The following MTOR variants were observed in gnomAD, a reference collection of about 807,000 sequenced individuals.
MTOR encodes serine/threonine-protein kinase mTOR.
Under a neutral mutation model 319.8 loss-of-function variants are expected in MTOR, and 70 were observed. The observed-to-expected ratio is 0.22, with a 90% CI of 0.18 to 0.27. The LOEUF (loss-of-function observed/expected upper bound fraction) is 0.27, where lower values mean the gene tolerates loss of function less well. Among genes scored for constraint, MTOR ranks in the 10% least tolerant of loss-of-function variants. MTOR has a pLI of 1.00. For missense variants in MTOR, 1,890 were observed against 3,274.4 expected (o/e 0.58, Z 10.32); for synonymous variants, 1,183 against 1,211.4 (o/e 0.98, Z 0.49).
chr1:11,243,136 G>C lies in MTOR; in HGVS notation c.1390C>G (p.Pro464Ala). 1 of 1,614,122 alleles carries C rather than the reference G, an allele frequency of 6.2e-7. No homozygotes were observed. The highest frequency in any genetic ancestry group is 8.5e-7 in the Non-Finnish European group (1 of 1,180,034). Residue 464 changes from proline to alanine, a missense_variant, in exon 9 of 58, where the codon CCC becomes GCC. Physicochemically the swap from Pro to Ala is conservative, Grantham distance 27 (BLOSUM62 -1). This residue lies in a region of MTOR where 418 missense variants were observed against 543.1 expected (regional missense o/e 0.77). Coordinates refer to ENST00000361445, the MANE Select transcript of MTOR (RefSeq NM_004958.4). ...RVLDIIRAAL[P>A]PKDFAHKRQK... ...TACTTATGGGCGAAGTCCTTTGGGG[G>C]CAGGGCCGCTCGGATGATGTCCAGC... is the stretch of plus-strand genomic sequence containing the variant.
At position 11,121,300 on chromosome 1, in the gene MTOR, A is replaced by G; in HGVS notation, c.6879T>C (p.Asn2293=). ...KVEVFEHAVN[N]TAGDDLAKLL... ...GCTTGGCCAGGTCGTCCCCAGCTGT[A>G]TTATTGACGGCATGCTCAAACACCT... Residue 2293 remains asparagine (N), a synonymous_variant, in exon 49 of 58, where the codon AAT becomes AAC. Coordinates refer to ENST00000361445, the MANE Select transcript of MTOR (RefSeq NM_004958.4). This position sits in a 1 kb window ranked among gnomAD's most constrained non-coding sequence, Gnocchi z 4.9. 1 of 1,614,124 alleles carries G rather than the reference A, an allele frequency of 6.2e-7. No individual in the cohort carries two copies. Among genetic ancestry groups the G allele is most frequent in the Non-Finnish European group, 8.5e-7 (1 of 1,180,042 alleles).
intron 34 of MTOR, among the ~76,000 whole-genome samples, chr1:11,140,519 G>T (rs1643646805): frequency 6.6e-6 from 1 of 152,150 alleles, no homozygotes; most frequent in Non-Finnish European, 1.5e-5. Context: ...CTACTCACCG[G>T]TCCCCGGCCC....
chr1:11,230,780 A>T (rs1476072522), intron 18 of MTOR, 145 bp downstream of exon 18: 2 of 1,087,112 alleles, frequency 1.8e-6, no homozygotes, highest in Non-Finnish European at 2.7e-6. Context: ...TCAAGAAGAA[A>T]CTACTGACTT....
rs111325228 is a variant in MTOR, at chr1:11,128,852, C to T, written c.5811+3G>A. 1 of 1,610,608 alleles carries T rather than the reference C, an allele frequency of 6.2e-7. No individual in the cohort carries two copies. Among genetic ancestry groups the T allele is most frequent in the East Asian group, 2.2e-5 (1 of 44,868 alleles). ...ACCTTCACCTGTAACCAAGTATCCT[C>T]ACCTGTAGCCAGGTATCAATCTGGA... On this transcript the variant is annotated splice_donor_region_variant and intron_variant, in intron 41 of 57. Coordinates refer to ENST00000361445, the MANE Select transcript of MTOR (RefSeq NM_004958.4). This position sits in a 1 kb window ranked among gnomAD's most constrained non-coding sequence, Gnocchi z 5.3.
intron 28 of MTOR, among the ~76,000 whole-genome samples, 154 bp from the exon 29 acceptor site, chr1:11,167,671 T>C (rs1644688841): frequency 6.6e-6 from 1 of 152,148 alleles, no homozygotes; most frequent in South Asian, 2.1e-4. Flanking sequence ...TCCAGAAAGC[T>C]CAGTTTAAAT....
rs1645897164 is a variant in MTOR at position 11,199,680 on chromosome 1, A to G, written c.3968T>C (p.Val1323Ala). The G allele has an allele frequency of 6.2e-7, 1 of 1,614,112 alleles. No individual in the cohort carries two copies. The highest frequency in any genetic ancestry group is 8.5e-7 in the Non-Finnish European group (1 of 1,180,038). The change falls in exon 27 of 58, where the codon GTG (valine) becomes GCG (alanine). Residue 1323 changes from valine (V) to alanine (A), a missense_variant. Val to Ala is a moderately conservative substitution (Grantham distance 64, BLOSUM62 0). Around this residue, in one of 15 missense-constraint regions of MTOR, gnomAD observed 49 missense variants for 119.1 expected, o/e 0.41. Transcript: ENST00000361445. The surrounding 1 kb of genome is among the most constrained non-coding windows in gnomAD (Gnocchi z 4.5). ...TTCATTCAGTTCAGACCAGCAGGAC[A>G]CAAATGCAGCATTGAAGAGATCCCT... ...MARDLFNAAF[V>A]SCWSELNEDQ...
Position 11,247,857 on chromosome 1 carries a change from G to T in MTOR, c.1078C>A (p.Arg360=), listed in dbSNP as rs748256443. 16 of 1,613,910 alleles carry T rather than the reference G, an allele frequency of 9.9e-6. No homozygotes were observed. Among genetic ancestry groups the T allele is most frequent in the Middle Eastern group, 1.7e-4 (1 of 6,060 alleles). Residue 360 remains arginine, a synonymous_variant, in exon 7 of 58, where the codon CGG becomes AGG. Coordinates refer to ENST00000361445, the MANE Select transcript of MTOR (RefSeq NM_004958.4). The stretch of plus-strand genomic sequence containing the variant: ...TCCTCCATCAAGTCTCTGCAACACC[G>T]GCTCTCCACCAGGGTGGACTTAGCT... ...SPAKSTLVES[R]CCRDLMEEKF...
chr1:11,111,483 G>A (rs372769048), intron 54 of MTOR: 307 of 137,174 alleles, frequency 2.2e-3, no homozygotes, highest in South Asian at 9.1e-3. Flanking sequence ...TCTGTCTCAA[G>A]AAAAAAAAAA....
intron 34 of MTOR, among the ~76,000 whole-genome samples, chr1:11,142,970 C>G (rs951592539): frequency 1.3e-5 from 2 of 152,202 alleles, no homozygotes; most frequent in African/African-American, 4.8e-5. Flanking sequence ...TGGCAGTTTT[C>G]TAGCCCCAGC....
intron 30 of MTOR, among the ~76,000 whole-genome samples, chr1:11,151,514 T>C (rs1644142876): frequency 6.6e-6 from 1 of 152,074 alleles, no homozygotes; most frequent in African/African-American, 2.4e-5. Flanking sequence ...ACTAAGTGCA[T>C]CAGAATCCCC....
intron 5 of MTOR, among the ~76,000 whole-genome samples, chr1:11,255,420 C>T (rs569228295): frequency 6.8e-6 from 1 of 146,278 alleles, no homozygotes; most frequent in Admixed American, 6.8e-5. Flanking sequence ...GAAAGAGGTA[C>T]CAAGTCACAG....
At chr1:11,240,181 C>T in intron 11 of MTOR, 122 bp downstream of exon 11, 1 of 1,326,324 alleles carries the variant, frequency 7.5e-7, no homozygotes, top group African/African-American at 1.5e-5. Context: ...TGAGCTGCTA[C>T]AGAATCAGCT....
At position 11,197,330 on chromosome 1, in the gene MTOR, C is replaced by T. The variant is rs28990675; in HGVS notation, c.4253+1928G>A. The stretch of plus-strand genomic sequence containing the variant: ...TTCTTAAAACTTCCTTCAGTAAAGA[C>T]GACAGTATACCACCACAACCGGGCT... On this transcript the variant is annotated intron_variant, in intron 28 of 57. Transcript: ENST00000361445. 1.5e-3 allele frequency among the ~76,000 whole-genome samples: 225 copies of T among 152,110 alleles called. 1 individual carries two copies. Among genetic ancestry groups the T allele is most frequent in the Non-Finnish European group, 1.9e-3 (131 of 67,972 alleles).
chr1:11,181,476 G>T (rs1645144416), intron 28 of MTOR, among the ~76,000 whole-genome samples: 1 of 152,112 alleles, frequency 6.6e-6, no homozygotes, highest in Non-Finnish European at 1.5e-5. Flanking sequence ...ACTGAGCTGA[G>T]ACCCCACCAC....
chr1:11,145,286 C>T (rs1458277068), intron 32 of MTOR: 24 of 517,520 alleles, frequency 4.6e-5, no homozygotes, highest in South Asian at 4.5e-4. Flanking sequence ...TAAGGTAACA[C>T]ACAAAATCTT....
Position 11,115,117 on chromosome 1 carries a change from A to T in MTOR, c.7090-230T>A, listed in dbSNP as rs1359066435. Reference sequence around the variant, plus strand: ...GAGAAAACAAAAAGGAAAAAAGACAAATGTGCATCGTGTCCAGGCTCTTGG... The same window carrying T: ...GAGAAAACAAAAAGGAAAAAAGACATATGTGCATCGTGTCCAGGCTCTTGG... On this transcript the variant is annotated intron_variant, in intron 51 of 57. Coordinates refer to ENST00000361445, the MANE Select transcript of MTOR (RefSeq NM_004958.4). The surrounding 1 kb of genome is among the most constrained non-coding windows in gnomAD (Gnocchi z 4.5). Among the ~76,000 whole-genome samples, 8 of 152,126 alleles carry T rather than the reference A, an allele frequency of 5.3e-5. No individual in the cohort carries two copies. Among genetic ancestry groups the T allele is most frequent in the Non-Finnish European group, 8.8e-5 (6 of 68,022 alleles).
At chr1:11,190,837 A>G (rs1020928620) in intron 28 of MTOR, among the ~76,000 whole-genome samples, 6 of 152,238 alleles carry the variant, frequency 3.9e-5, no homozygotes, top group Non-Finnish European at 5.9e-5. Context: ...ATTATAAACT[A>G]CATGAAGAAC....
rs770260908 is a variant in MTOR, at chr1:11,230,919, A to G, written c.2779+6T>C. The G allele has an allele frequency of 2.5e-6, 4 of 1,613,560 alleles. No individual in the cohort carries two copies. In the South Asian group the frequency reaches 4.4e-5, roughly 18 times the overall value. ...GGCAAGTCTTTCATGGCTACCCCCA[A>G]CTTACAGGAATCCTGACTTGACTTG... On this transcript the variant is annotated splice_donor_region_variant and intron_variant, in intron 18 of 57. Coordinates refer to ENST00000361445, the MANE Select transcript of MTOR (RefSeq NM_004958.4).
chr1:11,145,231 C>T, intron 32 of MTOR, 186 bp from the exon 33 acceptor site: 1 of 596,006 alleles, frequency 1.7e-6, no homozygotes, highest in Non-Finnish European at 3.0e-6. Flanking sequence ...TCCAATTTCT[C>T]ATCGAAGACA....
Sources: allele counts gnomAD v4.1 joint callset (sites outside exome capture counted in the v4.1 genomes callset), GRCh38; gene constraint gnomAD v4.1.1; regional missense constraint gnomAD v4.1.1; non-coding constraint Gnocchi (gnomAD v3.1); transcripts MANE v1.5; gene names NCBI Gene and HGNC (gene_info 2026-07-23, HGNC 2026-07-21).